The following DENND1A variants were observed in gnomAD, a reference collection of about 807,000 sequenced individuals.
DENND1A encodes the protein DENN domain-containing protein 1A.
A neutral mutation model predicts 113.7 loss-of-function variants in DENND1A; 51 were observed. The ratio of observed to expected loss-of-function variants is 0.45; its 90% CI spans 0.36 to 0.57. The LOEUF (loss-of-function observed/expected upper bound fraction) is 0.57. DENND1A is among the 20% of genes least tolerant of loss of function. DENND1A has a pLI of 0.00. For synonymous variants in DENND1A, 565 were observed against 570.8 expected, an observed-to-expected ratio of 0.99 and a Z score of 0.14; for missense variants, 1,258 against 1,395.9, an observed-to-expected ratio of 0.90 and a Z score of 1.57.
chr9:123,651,992 G>A, intron 9 of DENND1A, 21 bp downstream of exon 9: 4 of 1,606,968 alleles, frequency 2.5e-6, no homozygotes, highest in Non-Finnish European at 2.6e-6. Context: ...TAAAAAGCCA[G>A]TCTTAAGACT....
chr9:123,737,147 AT>A (rs1426701718), intron 5 of DENND1A, among the ~76,000 whole-genome samples: 1 of 152,180 alleles, frequency 6.6e-6, no homozygotes, highest in African/African-American at 2.4e-5. Flanking sequence ...TATGGAATAT[AT>A]TTAAAATGTT....
At chr9:123,873,384 A>G (rs1846952648) in intron 2 of DENND1A, among the ~76,000 whole-genome samples, 1 of 152,206 alleles carries the variant, frequency 6.6e-6, no homozygotes, top group African/African-American at 2.4e-5. Context: ...ATGTCATGAG[A>G]TGCTCTTCAG....
rs548085702 is a variant in DENND1A, at chr9:123,905,204, G to A, written c.17+24685C>T. Among the ~76,000 whole-genome samples the A allele has an allele frequency of 3.1e-4, 47 of 152,048 alleles. No individual in the cohort carries two copies. In the South Asian group the frequency reaches 5.6e-3, roughly 18 times the overall value. On this transcript the variant is annotated intron_variant, in intron 1 of 23. Transcript: ENST00000394215. ...GCCTGCCCTAAAAGAGCTCCTGAAG[G>A]AAGTGCTAAACATGGAAAGGAACAA...
At chr9:123,668,460 C>G (rs2063597263) in intron 7 of DENND1A, among the ~76,000 whole-genome samples, 1 of 152,174 alleles carries the variant, frequency 6.6e-6, no homozygotes, top group African/African-American at 2.4e-5. Flanking sequence ...TAAATGTTAT[C>G]TCTAATTCCC....
In DENND1A at chr9:123,719,253, C is replaced by T. The variant is rs1028087479; in HGVS notation, c.302+38450G>A. Among the ~76,000 whole-genome samples the T allele has an allele frequency of 5.3e-5, 8 of 152,190 alleles. No homozygotes were observed. In the South Asian group the frequency reaches 1.2e-3, roughly 24 times the overall value. On this transcript the variant is annotated intron_variant, in intron 5 of 23. Transcript: ENST00000394215. ...TCGTAGCCCTGTAAGGTAGGAATTA[C>T]GACTCCCATTTGATAAGCTAAGGCT... is the stretch of plus-strand genomic sequence containing the variant.
At chr9:123,581,640 AAG>A (rs1331297363) in intron 12 of DENND1A, among the ~76,000 whole-genome samples, 1 of 152,114 alleles carries the variant, frequency 6.6e-6, no homozygotes, top group Non-Finnish European at 1.5e-5. Flanking sequence ...AAAAAAAAGA[AAG>A]AAATTCTCCT....
chr9:123,736,463 G>A (rs2068573958), intron 5 of DENND1A: 1 of 152,180 alleles, frequency 6.6e-6, no homozygotes. Flanking sequence ...AGCTGTTAGG[G>A]AAGGTAAGAG....
intron 2 of DENND1A, among the ~76,000 whole-genome samples, chr9:123,818,438 T>C (rs1361908761): frequency 2.0e-5 from 3 of 151,888 alleles, no homozygotes; most frequent in Non-Finnish European, 2.9e-5. Context: ...GTATCCCTTA[T>C]CCGAAACACT....
intron 2 of DENND1A, among the ~76,000 whole-genome samples, chr9:123,839,249 T>G (rs564801381): frequency 6.6e-6 from 1 of 152,310 alleles, no homozygotes; most frequent in African/African-American, 2.4e-5. Flanking sequence ...CCCTGGTGCA[T>G]GACTTTCCGG....
intron 13 of DENND1A, among the ~76,000 whole-genome samples, chr9:123,497,407 T>C (rs1214155986): frequency 6.6e-6 from 1 of 152,218 alleles, no homozygotes; most frequent in Non-Finnish European, 1.5e-5. Flanking sequence ...AGCCTCAAAC[T>C]CCTGGGCTCA....
intron 4 of DENND1A, among the ~76,000 whole-genome samples, 155 bp from the exon 5 acceptor site, chr9:123,757,977 A>T (rs1313250554): frequency 8.8e-5 from 5 of 56,670 alleles, no homozygotes; most frequent in Non-Finnish European, 1.5e-4. Flanking sequence ...TAAGCTAGTT[A>T]AAAAAAAAAA....
intron 13 of DENND1A, among the ~76,000 whole-genome samples, chr9:123,531,887 T>C: frequency 6.6e-6 from 1 of 152,088 alleles, no homozygotes; most frequent in Non-Finnish European, 1.5e-5. Flanking sequence ...GGGCAGAGGG[T>C]TGCAGCTTGT....
chr9:123,516,097 TACACACACATACAC>T (rs761980304), intron 13 of DENND1A, among the ~76,000 whole-genome samples: 24 of 56,856 alleles, frequency 4.2e-4, no homozygotes, highest in East Asian at 3.1e-3. Context: ...TAGATATATA[TACACACACATACAC>T]ACACACACAC....
chr9:123,903,205 G>A (rs939918056), intron 1 of DENND1A, among the ~76,000 whole-genome samples: 48 of 149,900 alleles, frequency 3.2e-4, no homozygotes, highest in African/African-American at 9.5e-4. Context: ...AGTGGCGGGC[G>A]CCTGTAGTCC....
chr9:123,430,100 G>A (rs915294127), intron 19 of DENND1A, among the ~76,000 whole-genome samples: 1 of 152,178 alleles, frequency 6.6e-6, no homozygotes, highest in Non-Finnish European at 1.5e-5. Context: ...CTCAACATCA[G>A]TAGTCATTAG....
chr9:123,449,485 A>T (rs2047546372), intron 18 of DENND1A, among the ~76,000 whole-genome samples: 1 of 151,116 alleles, frequency 6.6e-6, no homozygotes, highest in African/African-American at 2.4e-5. Context: ...CAGTGAGCCG[A>T]GATCGCGCCA....
chr9:123,907,404 T>C (rs1853061764), intron 1 of DENND1A, among the ~76,000 whole-genome samples: 1 of 152,168 alleles, frequency 6.6e-6, no homozygotes, highest in South Asian at 2.1e-4. Context: ...GAAAGTCAAA[T>C]TGTCCCTGTT....
At position 123,728,203 on chromosome 9, in the gene DENND1A, C is replaced by T. The variant is rs183183060; in HGVS notation, c.302+29500G>A. Among the ~76,000 whole-genome samples the T allele has an allele frequency of 3.2e-4, 49 of 151,712 alleles. 1 individual carries two copies. The highest frequency in any genetic ancestry group is 2.5e-3 in the South Asian group (12 of 4,798). Reference sequence around the variant, plus strand: ...TAAAAAGGTTATCTTTGCAGCTGGGCGCAGTGGCTCACACCTGTAATCCCA... The same window carrying T: ...TAAAAAGGTTATCTTTGCAGCTGGGTGCAGTGGCTCACACCTGTAATCCCA... On this transcript the variant is annotated intron_variant, in intron 5 of 23. Coordinates refer to ENST00000394215, the MANE Select transcript of DENND1A (RefSeq NM_001352964.2).
At chr9:123,630,752 G>A (rs1054068509) in intron 9 of DENND1A, among the ~76,000 whole-genome samples, 27 of 152,092 alleles carry the variant, frequency 1.8e-4, no homozygotes, top group African/African-American at 4.6e-4. Context: ...ACCATCAGAA[G>A]ATTTAACATT....
Sources: gnomAD v4.1 joint callset for allele counts (sites outside exome capture counted in the v4.1 genomes callset) on GRCh38, gnomAD v4.1.1 for gene constraint, MANE v1.5 for transcripts, NCBI Gene and HGNC (gene_info 2026-07-23, HGNC 2026-07-21) for gene names.